The following COL28A1 variants were observed in gnomAD, a reference collection of about 807,000 sequenced individuals.
COL28A1 encodes collagen alpha-1(XXVIII) chain.
COL28A1 carries 161 observed loss-of-function variants against 150.2 expected under a neutral mutation model. That is an observed-to-expected ratio of 1.07 (90% CI 0.94 to 1.22). The LOEUF is 1.22. Ranked by LOEUF, COL28A1 falls within the 50% of genes most tolerant of loss-of-function variation. COL28A1 has a pLI of 0.00. For missense variants in COL28A1, 1,617 were observed against 1,388.3 expected, an observed-to-expected ratio of 1.16 and a Z score of -2.62; for synonymous variants, 552 against 469.7, an observed-to-expected ratio of 1.18 and a Z score of -2.26.
chr7:7,490,590 C>T lies in COL28A1; in HGVS notation c.1083G>A (p.Gln361=). Residue 361 remains glutamine, a synonymous_variant, in exon 12 of 35, where the codon CAG becomes CAA. Transcript: ENST00000399429. ...CAAGTATCTTTACCTTAATACCTTG[C>T]TGTCCAATTCCAGGAGCTCCTGGAG... is the stretch of plus-strand genomic sequence containing the variant. The part of the protein sequence containing the change: ...YGSPGAPGIG[Q]QGIKGERGQE... 1 of 1,328,304 alleles carries T rather than the reference C, an allele frequency of 7.5e-7. No homozygotes were observed. The highest frequency in any genetic ancestry group is 1.1e-6 in the Non-Finnish European group (1 of 920,054). The allele number at this position is 1,328,304 out of a possible 1,614,324, so 82.3% of individuals were successfully genotyped here.
chr7:7,492,635 C>A (rs1043221721), intron 11 of COL28A1, among the ~76,000 whole-genome samples: 1 of 141,768 alleles, frequency 7.1e-6, no homozygotes, highest in Admixed American at 7.1e-5. Flanking sequence ...TGACCAATTG[C>A]GAAAGAGAAC....
chr7:7,451,887 C>T (rs2109772), intron 18 of COL28A1, among the ~76,000 whole-genome samples: 29,119 of 152,036 alleles, frequency 0.19, 3,608 homozygotes, highest in African/African-American at 0.35. Flanking sequence ...CTCAAATGCT[C>T]GTAAGAATAT....
chr7:7,509,939 TTAACTC>T (rs1283704396), intron 9 of COL28A1, among the ~76,000 whole-genome samples: 4 of 152,210 alleles, frequency 2.6e-5, no homozygotes, highest in South Asian at 2.1e-4. Flanking sequence ...CCACCTGACT[TTAACTC>T]TACAGTACTT....
chr7:7,405,899 GATCA>G (rs1197814570), intron 27 of COL28A1, among the ~76,000 whole-genome samples: 1 of 152,048 alleles, frequency 6.6e-6, no homozygotes, highest in Non-Finnish European at 1.5e-5. Context: ...ACCTAGATCA[GATCA>G]ATCAAGAATT....
At chr7:7,502,326 C>A (rs1780580054) in intron 11 of COL28A1, among the ~76,000 whole-genome samples, 2 of 152,310 alleles carry the variant, frequency 1.3e-5, no homozygotes, top group Non-Finnish European at 1.5e-5. Context: ...TCATTCAGGG[C>A]AGACTAGGAG....
chr7:7,399,483 G>A (rs986369055), intron 27 of COL28A1, among the ~76,000 whole-genome samples: 4 of 152,110 alleles, frequency 2.6e-5, no homozygotes, highest in Admixed American at 1.3e-4. Flanking sequence ...CCTGCATATT[G>A]TTCTGAGCTA....
At chr7:7,487,221 G>A (rs73350132) in intron 13 of COL28A1, among the ~76,000 whole-genome samples, 1 of 152,056 alleles carries the variant, frequency 6.6e-6, no homozygotes, top group Non-Finnish European at 1.5e-5. Flanking sequence ...TGCTGAGTTT[G>A]GAAGGTATAA....
Position 7,370,854 on chromosome 7 carries a change from T to G in COL28A1, c.2937A>C (p.Lys979Asn). 2 of 1,612,258 alleles carry G rather than the reference T, an allele frequency of 1.2e-6. No homozygotes were observed. The highest frequency in any genetic ancestry group is 1.7e-6 in the Non-Finnish European group (2 of 1,179,162). Residue 979 changes from lysine (K) to asparagine (N), a missense_variant, in exon 33 of 35, where the codon AAA becomes AAC. Coordinates refer to ENST00000399429, the MANE Select transcript of COL28A1 (RefSeq NM_001037763.3). ...QDTLKQKLFQ[K>N]ICEDFDSYLV... ...GATAGGAATCAAAATCCTCACAAAT[T>G]TTTTGAAACAATTTTTGCTTCAGGG...
intron 27 of COL28A1, among the ~76,000 whole-genome samples, chr7:7,395,145 T>G (rs938729199): frequency 7.9e-5 from 12 of 152,216 alleles, no homozygotes; most frequent in African/African-American, 2.6e-4. Flanking sequence ...TACCAAAAAT[T>G]AGCCAGGTGT....
At chr7:7,394,494 ACTTATT>A (rs1782728347) in intron 27 of COL28A1, among the ~76,000 whole-genome samples, 5 of 152,200 alleles carry the variant, frequency 3.3e-5, no homozygotes, top group Admixed American at 3.3e-4. Context: ...GGTTTATTTA[ACTTATT>A]CTTAAATTCA....
rs183577905 is a variant in COL28A1 at position 7,506,181 on chromosome 7, G to C, written c.973-114C>G. On this transcript the variant is annotated intron_variant, in intron 10 of 34. Transcript: ENST00000399429. ...GATCGAAGTTAGACTGTGTAACTCA[G>C]AGCTAAATTGAAATCACATTCAATC... is the stretch of plus-strand genomic sequence containing the variant. 7.1e-5 allele frequency: 45 copies of C among 630,764 alleles called. No individual in the cohort carries two copies. The African/African-American group carries it at 7.7e-4, about 11-fold the overall frequency. The allele number at this position is 630,764 out of a possible 1,614,324, so 39.1% of individuals were successfully genotyped here.
chr7:7,432,680 T>G lies in COL28A1; in HGVS notation c.1881A>C (p.Gly627=). 4.3e-6 allele frequency: 7 copies of G among 1,613,846 alleles called. No individual in the cohort carries two copies. Among genetic ancestry groups the G allele is most frequent in the Non-Finnish European group, 5.9e-6 (7 of 1,179,970 alleles). ...CTTTGAGTCCTGGAGCACCCACTGG[T>G]CCCCGAGGGCCTTGGACACCCTGGG... ...RGPKGVQGPR[G]PVGAPGLKGD... Residue 627 remains glycine (G), a synonymous_variant, in exon 24 of 35, where the codon GGA becomes GGC. Transcript: ENST00000399429.
At chr7:7,543,548 C>T in the COL28A1 span, among the ~76,000 whole-genome samples, 1 of 152,116 alleles carries the variant, frequency 6.6e-6, no homozygotes, top group Non-Finnish European at 1.5e-5. Flanking sequence ...CCTACTATGT[C>T]AGATTTCAAA....
intron 33 of COL28A1, among the ~76,000 whole-genome samples, chr7:7,366,342 A>G (rs1241951963): frequency 6.6e-6 from 1 of 152,184 alleles, no homozygotes; most frequent in African/African-American, 2.4e-5. Context: ...ATAAAATCGA[A>G]AAACTACAGA....
In COL28A1 at chr7:7,507,933, T is replaced by C. The variant is rs535154185; in HGVS notation, c.928-772A>G. The stretch of plus-strand genomic sequence containing the variant: ...GTCCTACCCATTTGGCCTTACACTG[T>C]ATCAAAAATATTTTTCCGGCCAGGC... On this transcript the variant is annotated intron_variant, in intron 9 of 34. Coordinates refer to ENST00000399429, the MANE Select transcript of COL28A1 (RefSeq NM_001037763.3). Among the ~76,000 whole-genome samples, 13 of 152,290 alleles carry C rather than the reference T, an allele frequency of 8.5e-5. No homozygotes were observed. The South Asian group carries it at 2.3e-3, about 27-fold the overall frequency.
At chr7:7,342,407 T>C in the COL28A1 span, among the ~76,000 whole-genome samples, 1 of 152,110 alleles carries the variant, frequency 6.6e-6, no homozygotes. Context: ...TTAATTGCAA[T>C]GCTTGGTCTG....
intron 27 of COL28A1, among the ~76,000 whole-genome samples, chr7:7,398,984 C>T (rs1783007743): frequency 1.3e-5 from 2 of 152,158 alleles, no homozygotes; most frequent in Admixed American, 1.3e-4. Context: ...CCTTAGCAAT[C>T]TTGTCCACTT....
At chr7:7,518,770 C>A (rs983708738) in intron 6 of COL28A1, among the ~76,000 whole-genome samples, 1 of 152,076 alleles carries the variant, frequency 6.6e-6, no homozygotes, top group Non-Finnish European at 1.5e-5. Context: ...ATGATGTGAA[C>A]TAGAAAACCA....
intron 27 of COL28A1, among the ~76,000 whole-genome samples, chr7:7,410,590 T>C (rs546660196): frequency 6.6e-6 from 1 of 152,252 alleles, no homozygotes; most frequent in Admixed American, 6.5e-5. Context: ...TTCTGAGGTG[T>C]GTTCAACTTG....
Sources: allele counts gnomAD v4.1 joint callset (sites outside exome capture counted in the v4.1 genomes callset), GRCh38; gene constraint gnomAD v4.1.1; transcripts MANE v1.5; gene names NCBI Gene and HGNC (gene_info 2026-07-23, HGNC 2026-07-21).